The following PAX5 variants were observed in gnomAD, a reference collection of about 807,000 sequenced individuals.
The protein encoded by PAX5 is paired box protein Pax-5.
PAX5 carries 9 observed loss-of-function variants against 43.7 expected under a neutral mutation model. That is an observed-to-expected ratio of 0.21 (90% CI 0.12 to 0.36). PAX5 has a LOEUF of 0.36. PAX5 is among the 10% of genes least tolerant of loss of function. PAX5 has a pLI of 1.00. For missense variants in PAX5, 383 were observed against 532.7 expected, an observed-to-expected ratio of 0.72 and a Z score of 2.77; for synonymous variants, 228 against 214.3, an observed-to-expected ratio of 1.06 and a Z score of -0.56.
intron 7 of PAX5, among the ~76,000 whole-genome samples, chr9:36,892,121 G>T (rs773601318): frequency 1.3e-5 from 2 of 152,172 alleles, no homozygotes; most frequent in Non-Finnish European, 2.9e-5. Context: ...ACAAAGTCAG[G>T]GTTCTAATTA....
chr9:36,965,297 G>C (rs1315698009), intron 6 of PAX5, among the ~76,000 whole-genome samples: 3 of 152,204 alleles, frequency 2.0e-5, no homozygotes, highest in African/African-American at 7.2e-5. Flanking sequence ...AGACCATCTT[G>C]TTCACTGATG....
intron 8 of PAX5, among the ~76,000 whole-genome samples, chr9:36,876,573 T>C (rs1006941749): frequency 6.6e-6 from 1 of 152,250 alleles, no homozygotes; most frequent in East Asian, 1.9e-4. Context: ...TTTGCAACCA[T>C]GTTAGGTTGC....
chr9:36,953,441 G>T (rs551934661), intron 6 of PAX5, among the ~76,000 whole-genome samples: 2 of 151,670 alleles, frequency 1.3e-5, no homozygotes, highest in African/African-American at 4.8e-5. Context: ...TTCTCCTTCC[G>T]GCAACCTAAT....
chr9:37,015,380 AT>A lies in PAX5; in HGVS notation c.213-187del, dbSNP rs1381005465. ...GTCTGAATCAAAATGTGCTGTAAAT[AT>A]AAAATACACACCAAATTTTTAAAAC... On this transcript the variant is annotated intron_variant, in intron 2 of 9. Coordinates refer to ENST00000358127, the MANE Select transcript of PAX5 (RefSeq NM_016734.3). The surrounding 1 kb of genome is among the most constrained non-coding windows in gnomAD (Gnocchi z 4.4). Among the ~76,000 whole-genome samples the A allele has an allele frequency of 6.6e-6, 1 of 152,242 alleles. No homozygotes were observed. The highest frequency in any genetic ancestry group is 1.5e-5 in the Non-Finnish European group (1 of 68,044).
At chr9:36,879,056 G>T (rs145165363) in intron 8 of PAX5, among the ~76,000 whole-genome samples, 1 of 152,196 alleles carries the variant, frequency 6.6e-6, no homozygotes, top group Non-Finnish European at 1.5e-5. Context: ...CTCCTCTGCC[G>T]AAGTGCTTGT....
intron 6 of PAX5, among the ~76,000 whole-genome samples, chr9:36,948,931 A>C (rs1281431762): frequency 1.3e-5 from 2 of 151,932 alleles, no homozygotes; most frequent in African/African-American, 4.8e-5. Context: ...GTGGCAGAAC[A>C]CTCCTTAATA....
intron 7 of PAX5, among the ~76,000 whole-genome samples, chr9:36,904,852 A>G (rs1828690524): frequency 6.6e-6 from 1 of 152,204 alleles, no homozygotes; most frequent in South Asian, 2.1e-4. Flanking sequence ...TCATTCAATA[A>G]ACACTTCCTG....
intron 8 of PAX5, among the ~76,000 whole-genome samples, chr9:36,860,204 G>A (rs190660016): frequency 0.01 from 1,524 of 152,164 alleles, 25 homozygotes; most frequent in African/African-American, 0.035. Flanking sequence ...GGGCGTGGTG[G>A]CACATGCCTG....
At chr9:36,862,022 T>C (rs1169476771) in intron 8 of PAX5, among the ~76,000 whole-genome samples, 1 of 152,152 alleles carries the variant, frequency 6.6e-6, no homozygotes, top group Admixed American at 6.5e-5. Flanking sequence ...CATGTGGCTA[T>C]GCAAGCAGAG....
chr9:36,935,689 A>G (rs1357229302), intron 6 of PAX5, among the ~76,000 whole-genome samples: 1 of 152,204 alleles, frequency 6.6e-6, no homozygotes. Context: ...TCAGGGTCTA[A>G]TGGAGCTCAG....
intron 7 of PAX5, among the ~76,000 whole-genome samples, chr9:36,897,586 G>C (rs564377909): frequency 3.6e-4 from 55 of 152,232 alleles, no homozygotes; most frequent in African/African-American, 1.3e-3. Flanking sequence ...CAGGTGAGAA[G>C]AAGAAACTCC....
chr9:36,977,868 A>G (rs1835579453), intron 5 of PAX5, among the ~76,000 whole-genome samples: 1 of 152,228 alleles, frequency 6.6e-6, no homozygotes, highest in Admixed American at 6.5e-5. Context: ...ACCAGAGGGA[A>G]CAGCATCTGC....
At chr9:36,902,030 T>G (rs2131861873) in intron 7 of PAX5, among the ~76,000 whole-genome samples, 1 of 152,186 alleles carries the variant, frequency 6.6e-6, no homozygotes, top group Non-Finnish European at 1.5e-5. Context: ...AGGGCTCCCA[T>G]CCCCTCCCTA....
At chr9:37,012,747 T>C (rs1263447742) in intron 3 of PAX5, among the ~76,000 whole-genome samples, 1 of 152,158 alleles carries the variant, frequency 6.6e-6, no homozygotes, top group Non-Finnish European at 1.5e-5. Context: ...TGTAAGTGGG[T>C]AGGTGGGAGT....
intron 5 of PAX5, among the ~76,000 whole-genome samples, chr9:36,975,676 C>T (rs755459782): frequency 6.6e-6 from 1 of 152,190 alleles, no homozygotes; most frequent in Non-Finnish European, 1.5e-5. Flanking sequence ...TGAGCCACCA[C>T]GCCCAGCCTT....
chr9:36,894,918 C>G (rs1827716965), intron 7 of PAX5, among the ~76,000 whole-genome samples: 1 of 152,256 alleles, frequency 6.6e-6, no homozygotes, highest in Admixed American at 6.5e-5. Context: ...AGCTCTGCCA[C>G]TTACCAGCCG....
intron 8 of PAX5, among the ~76,000 whole-genome samples, chr9:36,866,204 G>A (rs1248387829): frequency 6.6e-6 from 1 of 152,218 alleles, no homozygotes; most frequent in Non-Finnish European, 1.5e-5. Context: ...CGAGGCAGAG[G>A]CCTAAATAGA....
chr9:36,976,885 G>A (rs1002607885), intron 5 of PAX5, among the ~76,000 whole-genome samples: 1 of 152,170 alleles, frequency 6.6e-6, no homozygotes, highest in African/African-American at 2.4e-5. Context: ...TCTGTCAGGG[G>A]CCAGACAGCA....
chr9:37,033,897 C>CCCT, intron 1 of PAX5, 89 bp downstream of exon 1: 1 of 1,180,004 alleles, frequency 8.5e-7, no homozygotes. Flanking sequence ...GCGGCGCGCC[C>CCCT]CCTCCTCCTC....
Sources: gnomAD v4.1 joint callset for allele counts (sites outside exome capture counted in the v4.1 genomes callset) on GRCh38, gnomAD v4.1.1 for gene constraint, Gnocchi (gnomAD v3.1) non-coding constraint, MANE v1.5 for transcripts, NCBI Gene and HGNC (gene_info 2026-07-23, HGNC 2026-07-21) for gene names.